ITIH4: variants seen among roughly 807,000 people sequenced by gnomAD.
ITIH4 encodes inter-alpha-trypsin inhibitor heavy chain H4.
ITIH4 carries 79 observed loss-of-function variants against 111.8 expected under a neutral mutation model. That is an observed-to-expected ratio of 0.71 (90% confidence interval 0.59 to 0.85). The LOEUF (loss-of-function observed/expected upper bound fraction) is 0.85. Ranked by LOEUF, ITIH4 falls within the 40% of genes least tolerant of loss-of-function variation. The probability of loss-of-function intolerance (pLI) is 0.00; values close to 1 mark genes in which losing one functional copy is unlikely to be tolerated. For synonymous variants in ITIH4, 472 were observed against 468.3 expected (o/e 1.01, Z -0.10); for missense variants, 1,065 against 1,195.8 (o/e 0.89, Z 1.61).
chr3:52,825,770 C>T, intron 6 of ITIH4, 116 bp downstream of exon 6: 2 of 1,159,954 alleles, frequency 1.7e-6, no homozygotes, highest in Non-Finnish European at 2.4e-6. Flanking sequence ...GTGCCGGTCC[C>T]TGGTGCACAC....
chr3:52,813,611 T>C, intron 23 of ITIH4, 121 bp from the exon 24 acceptor site: 2 of 872,048 alleles, frequency 2.3e-6, no homozygotes, highest in Non-Finnish European at 3.8e-6. Context: ...CCCTTTAGAA[T>C]TCCCTCCAGC....
chr3:52,819,732 C>G (rs1286603186), intron 16 of ITIH4, 22 bp downstream of exon 16: 2 of 1,613,152 alleles, frequency 1.2e-6, no homozygotes, highest in Non-Finnish European at 1.7e-6. Context: ...ATGCCTCCCC[C>G]TGGCAGAAAC....
intron 22 of ITIH4, 47 bp downstream of exon 22, chr3:52,814,162 C>G (rs1317181323): frequency 2.5e-6 from 4 of 1,606,748 alleles, no homozygotes; most frequent in Non-Finnish European, 3.4e-6. Flanking sequence ...TTCCCAAGCA[C>G]AGCTGGTTTC....
At chr3:52,818,339 G>C in intron 18 of ITIH4, 56 bp from the exon 19 acceptor site, 1 of 1,571,920 alleles carries the variant, frequency 6.4e-7, no homozygotes, top group Non-Finnish European at 8.6e-7. Context: ...GTGGGAGGTT[G>C]AGGGAGGGAG....
Position 52,820,788 on chromosome 3 carries a change from G to A in ITIH4, c.1680-3C>T, listed in dbSNP as rs1457532779. ...GATCAGCATCGGATGCGGAGACACT[G>A]TAGGTGGAGCACATCAGAGCTCAGG... On this transcript the variant is annotated splice_polypyrimidine_tract_variant and splice_region_variant and intron_variant, in intron 12 of 23. Coordinates refer to ENST00000266041, the MANE Select transcript of ITIH4 (RefSeq NM_002218.5). 6 of 1,609,304 alleles carry A rather than the reference G, an allele frequency of 3.7e-6. No homozygotes were observed. Among genetic ancestry groups the A allele is most frequent in the Non-Finnish European group, 5.1e-6 (6 of 1,177,286 alleles).
chr3:52,826,868 C>CCT lies in ITIH4; in HGVS notation c.440_441dup (p.Glu148ArgfsTer15). On this transcript the variant is annotated frameshift_variant, in exon 4 of 24. Coordinates refer to ENST00000266041, the MANE Select transcript of ITIH4 (RefSeq NM_002218.5). LOFTEE classifies it high-confidence loss of function. ...ACCCCCAAACGCCGCTTGAGCAGCTCCTCATAGACCAGCTCAAAGGTGATC... is the reference window on the plus strand; with the variant it reads ...ACCCCCAAACGCCGCTTGAGCAGCTCCTCTCATAGACCAGCTCAAAGGTGATC... 1.2e-6 allele frequency: 2 copies of CCT among 1,614,074 alleles called. No individual in the cohort carries two copies. Among genetic ancestry groups the CCT allele is most frequent in the Non-Finnish European group, 1.7e-6 (2 of 1,180,042 alleles).
intron 13 of ITIH4, 129 bp downstream of exon 13, chr3:52,820,502 G>T: frequency 8.0e-7 from 1 of 1,242,338 alleles, no homozygotes; most frequent in Non-Finnish European, 1.1e-6. Context: ...CAGTGAATAG[G>T]CTGAATCTCC....
chr3:52,815,431 G>A (rs376394813), intron 21 of ITIH4, among the ~76,000 whole-genome samples: 14 of 151,376 alleles, frequency 9.2e-5, no homozygotes, highest in South Asian at 2.1e-4. Flanking sequence ...TAGTAGAGAC[G>A]GGGTTTCACC....
rs747334942 is a variant in ITIH4 at position 52,826,847 on chromosome 3, C to G, written c.463G>C (p.Gly155Arg). 3.7e-6 allele frequency: 6 copies of G among 1,613,818 alleles called. No homozygotes were observed. The highest frequency in any genetic ancestry group is 4.5e-5 in the East Asian group (2 of 44,886). The change falls in exon 4 of 24, where the codon GGG (glycine) becomes CGG (arginine). Residue 155 changes from glycine to arginine, a missense_variant. Transcript: ENST00000266041. The part of the protein sequence containing the change: ...VYEELLKRRL[G>R]VYELLLKVRP... The stretch of plus-strand genomic sequence containing the variant: ...ACTTTCAGCAGCAGCTCGTACACCC[C>G]CAAACGCCGCTTGAGCAGCTCCTCA...
At position 52,819,426 on chromosome 3, in the gene ITIH4, C is replaced by T; in HGVS notation, c.2044G>A (p.Ala682Thr). The T allele has an allele frequency of 6.2e-7, 1 of 1,614,160 alleles. No homozygotes were observed. Residue 682 changes from alanine (A) to threonine (T), a missense_variant, in exon 17 of 24, where the codon GCT becomes ACT. Physicochemically the swap from Ala to Thr is moderately conservative, Grantham distance 58 (BLOSUM62 0). Coordinates refer to ENST00000266041, the MANE Select transcript of ITIH4 (RefSeq NM_002218.5). ...AGACGGCGGAAGGGGTGGTAAGCAG[C>T]ATGGTCAGGAACATCAGGAGGTCCT... is the stretch of plus-strand genomic sequence containing the variant. Reference protein sequence around the residue: ...LPGPPDVPDHAAYHPFRRLAI... With the variant: ...LPGPPDVPDHTAYHPFRRLAI...
In ITIH4 at chr3:52,824,628, G is replaced by T; in HGVS notation, c.877-63C>A. On this transcript the variant is annotated intron_variant, in intron 7 of 23. Transcript: ENST00000266041. This position sits in a 1 kb window ranked among gnomAD's most constrained non-coding sequence, Gnocchi z 4.3. Reference sequence around the variant, plus strand: ...CTCCCTGAGGGCTCGTGTGCCCTAGGGCTGGCATCCTTGGACTCCTGTCTC... The same window carrying T: ...CTCCCTGAGGGCTCGTGTGCCCTAGTGCTGGCATCCTTGGACTCCTGTCTC... 3.3e-6 allele frequency: 5 copies of T among 1,531,660 alleles called. No homozygotes were observed. The highest frequency in any genetic ancestry group is 4.4e-6 in the Non-Finnish European group (5 of 1,130,450). The allele number at this position is 1,531,660 out of a possible 1,614,324, so 94.9% of individuals were successfully genotyped here. A position where few individuals can be genotyped will look rare whatever the true frequency, so the allele number is the denominator to read the frequency against.
In ITIH4 at chr3:52,830,581, G is replaced by A. The variant is rs759266669; in HGVS notation, c.62C>T (p.Ala21Val). The A allele has an allele frequency of 1.9e-6, 3 of 1,614,150 alleles. No individual in the cohort carries two copies. The highest frequency in any genetic ancestry group is 1.6e-4 in the Middle Eastern group (1 of 6,062). ...SKVLVLLSLL[A>V]IHQTTTAEKN... ...TTCGGCAGTAGTAGTCTGGTGGATG[G>A]CCAGCAGTGAAAGCAGGACGAGAAC... The change falls in exon 1 of 24, where the codon GCC becomes GTC. Residue 21 changes from alanine (A) to valine (V), a missense_variant. Ala to Val is a moderately conservative substitution (Grantham distance 64). Coordinates refer to ENST00000266041, the MANE Select transcript of ITIH4 (RefSeq NM_002218.5).
chr3:52,830,092 G>C, intron 1 of ITIH4: 1 of 315,624 alleles, frequency 3.2e-6, no homozygotes, highest in South Asian at 2.7e-5. Flanking sequence ...TATTTGCTCT[G>C]CGACAAGCAC....
At chr3:52,823,226 C>G (rs998064002) in intron 11 of ITIH4, 1 of 244,996 alleles carries the variant, frequency 4.1e-6, no homozygotes, top group African/African-American at 2.2e-5. Context: ...GGAGCTCAGT[C>G]TGCTCATTTG....
chr3:52,822,850 C>T (rs1700409657), intron 11 of ITIH4, among the ~76,000 whole-genome samples: 1 of 152,166 alleles, frequency 6.6e-6, no homozygotes, highest in Non-Finnish European at 1.5e-5. Flanking sequence ...CCACCTCCTA[C>T]TTATCCTTTT....
Position 52,829,213 on chromosome 3 carries a change from C to CG in ITIH4, c.156dup (p.Val53ArgfsTer8). ...GCCCTATTGACCACTCGGCTGGTGA[C>CG]GACCGTGTGGGCAAATCGGGATGAG... On this transcript the variant is annotated frameshift_variant, in exon 2 of 24. Coordinates refer to ENST00000266041, the MANE Select transcript of ITIH4 (RefSeq NM_002218.5). LOFTEE classifies it high-confidence loss of function. The CG allele has an allele frequency of 6.2e-7, 1 of 1,613,732 alleles. No homozygotes were observed. The highest frequency in any genetic ancestry group is 8.5e-7 in the Non-Finnish European group (1 of 1,179,714).
At chr3:52,825,836 G>C (rs769225629) in intron 6 of ITIH4, 50 bp downstream of exon 6, 31 of 1,579,776 alleles carry the variant, frequency 2.0e-5, no homozygotes, top group African/African-American at 4.1e-5. Context: ...CAGGCCCTTG[G>C]GGGTGGACAG....
intron 4 of ITIH4, 21 bp downstream of exon 4, chr3:52,826,769 TG>T: frequency 6.2e-7 from 1 of 1,613,632 alleles, no homozygotes; most frequent in East Asian, 2.2e-5. Context: ...GAGGCCTCCC[TG>T]GAAGAGGTAG....
At chr3:52,819,366 C>G in intron 17 of ITIH4, 27 bp downstream of exon 17, 2 of 1,613,468 alleles carry the variant, frequency 1.2e-6, no homozygotes, top group Non-Finnish European at 1.7e-6. Context: ...GAAACCGAGG[C>G]CCTCGCAGGG....
Sources: allele counts gnomAD v4.1 joint callset (sites outside exome capture counted in the v4.1 genomes callset), GRCh38; gene constraint gnomAD v4.1.1; non-coding constraint Gnocchi (gnomAD v3.1); transcripts MANE v1.5; gene names NCBI Gene and HGNC (gene_info 2026-07-23, HGNC 2026-07-21).